The following ADCY2 variants were observed in gnomAD, a reference collection of about 807,000 sequenced individuals.
ADCY2 encodes adenylate cyclase type 2.
ADCY2 carries 31 observed loss-of-function variants against 125.2 expected under a neutral mutation model. The ratio of observed to expected loss-of-function variants is 0.25; its 90% CI spans 0.19 to 0.33. ADCY2 has a LOEUF of 0.33. ADCY2 is among the 10% of genes least tolerant of loss of function. The pLI is 1.00. For missense variants in ADCY2, 904 were observed against 1,418.2 expected, an observed-to-expected ratio of 0.64 and a Z score of 5.82; for synonymous variants, 512 against 548.4, an observed-to-expected ratio of 0.93 and a Z score of 0.93.
At chr5:7,545,526 G>A (rs531227935) in intron 3 of ADCY2, among the ~76,000 whole-genome samples, 37 of 152,106 alleles carry the variant, frequency 2.4e-4, no homozygotes, top group Non-Finnish European at 4.6e-4. Flanking sequence ...TTCTGCTCTC[G>A]ACGTGTAGAA....
At chr5:7,431,114 G>A (rs1481781627) in intron 2 of ADCY2, among the ~76,000 whole-genome samples, 1 of 152,104 alleles carries the variant, frequency 6.6e-6, no homozygotes, top group Non-Finnish European at 1.5e-5. Context: ...AGCAGGACAT[G>A]GAGATCTTAC....
intron 20 of ADCY2, chr5:7,793,950 G>C (rs1191402506): frequency 6.6e-6 from 1 of 152,194 alleles, no homozygotes; most frequent in Non-Finnish European, 1.5e-5. Flanking sequence ...TGGTTTCAGA[G>C]CTCTTCAGAC....
At chr5:7,649,480 T>A (rs1006831966) in intron 4 of ADCY2, among the ~76,000 whole-genome samples, 24 of 152,214 alleles carry the variant, frequency 1.6e-4, no homozygotes, top group Non-Finnish European at 2.8e-4. Flanking sequence ...AAAGTACATA[T>A]TTTTTCTTCT....
chr5:7,642,692 A>C (rs2126675115), intron 4 of ADCY2, among the ~76,000 whole-genome samples: 1 of 152,286 alleles, frequency 6.6e-6, no homozygotes, highest in Admixed American at 6.6e-5. Context: ...ACATTAAATA[A>C]AAAATTTTAA....
At chr5:7,713,686 T>C (rs532001592) in intron 11 of ADCY2, among the ~76,000 whole-genome samples, 51 of 152,226 alleles carry the variant, frequency 3.4e-4, no homozygotes, top group African/African-American at 1.2e-3. Context: ...CCAACTCCTT[T>C]TTTCCCCTGT....
chr5:7,710,358 C>G (rs1363328869), intron 10 of ADCY2, among the ~76,000 whole-genome samples: 1 of 152,198 alleles, frequency 6.6e-6, no homozygotes, highest in Non-Finnish European at 1.5e-5. Context: ...CAAGTCCTAG[C>G]ACTTGCATTT....
chr5:7,785,770 TG>T (rs1423547017), intron 19 of ADCY2, among the ~76,000 whole-genome samples: 2 of 152,166 alleles, frequency 1.3e-5, no homozygotes, highest in Non-Finnish European at 2.9e-5. Flanking sequence ...CATTTCATAC[TG>T]GGGATGCTTT....
intron 2 of ADCY2, among the ~76,000 whole-genome samples, chr5:7,475,993 A>T (rs1742511486): frequency 6.6e-6 from 1 of 152,180 alleles, no homozygotes; most frequent in South Asian, 2.1e-4. Flanking sequence ...AGTTCACCAT[A>T]GTTTTTCAAC....
chr5:7,522,977 C>G (rs1744511376), intron 3 of ADCY2, among the ~76,000 whole-genome samples: 1 of 151,990 alleles, frequency 6.6e-6, no homozygotes, highest in Non-Finnish European at 1.5e-5. Context: ...TGCTCAGCCA[C>G]TGTGGGAAAT....
intron 3 of ADCY2, among the ~76,000 whole-genome samples, chr5:7,576,811 A>G (rs1736267843): frequency 6.6e-6 from 1 of 152,188 alleles, no homozygotes; most frequent in Non-Finnish European, 1.5e-5. Flanking sequence ...TTTCCTAACT[A>G]GAAATGTATT....
chr5:7,417,295 C>A (rs999325134), intron 2 of ADCY2, among the ~76,000 whole-genome samples: 1 of 151,924 alleles, frequency 6.6e-6, no homozygotes, highest in Admixed American at 6.6e-5. Context: ...GCTAATTGGT[C>A]GGTGTTTATA....
At chr5:7,556,528 T>C (rs1443419857) in intron 3 of ADCY2, among the ~76,000 whole-genome samples, 1 of 152,228 alleles carries the variant, frequency 6.6e-6, no homozygotes, top group Non-Finnish European at 1.5e-5. Flanking sequence ...ACTTTTTTCA[T>C]ACGGGAAGTT....
At chr5:7,730,987 C>T (rs1004966380) in intron 14 of ADCY2, among the ~76,000 whole-genome samples, 13 of 152,158 alleles carry the variant, frequency 8.5e-5, no homozygotes, top group East Asian at 1.9e-4. Context: ...TCGATTGTCT[C>T]GATTGTCTAT....
intron 3 of ADCY2, 75 bp downstream of exon 3, chr5:7,520,974 A>G (rs2126532918): frequency 2.6e-6 from 4 of 1,564,244 alleles, no homozygotes; most frequent in African/African-American, 1.3e-5. Flanking sequence ...CTGCTGGCCC[A>G]TTCAGGGTGT....
chr5:7,653,921 G>A (rs1335621392), intron 4 of ADCY2: 1 of 330,048 alleles, frequency 3.0e-6, no homozygotes, highest in Non-Finnish European at 6.1e-6. Context: ...TTTGGGGGCA[G>A]ATTAAGAGTT....
intron 2 of ADCY2, among the ~76,000 whole-genome samples, chr5:7,423,545 C>A (rs1263818122): frequency 6.6e-6 from 1 of 152,184 alleles, no homozygotes; most frequent in Non-Finnish European, 1.5e-5. Context: ...TTGCCTGCCA[C>A]CATGTAAGAC....
Position 7,802,099 on chromosome 5 carries a change from G to A in ADCY2, c.2629-119G>A. On this transcript the variant is annotated intron_variant, in intron 20 of 24. Coordinates refer to ENST00000338316, the MANE Select transcript of ADCY2 (RefSeq NM_020546.3). The surrounding 1 kb of genome is among the most constrained non-coding windows in gnomAD (Gnocchi z 4.6). ...GGCCGCGGCTGGGGTGGGGCAAGTG[G>A]AGTAGGCATTTGGGCGATGTCTGTG... 1 of 1,179,966 alleles carries A rather than the reference G, an allele frequency of 8.5e-7. No individual in the cohort carries two copies. Among genetic ancestry groups the A allele is most frequent in the Non-Finnish European group, 1.2e-6 (1 of 839,304 alleles). 73.1% of individuals were successfully genotyped at this position (1,179,966 alleles called of 1,614,324 possible). A position where few individuals can be genotyped will look rare whatever the true frequency, so the allele number is the denominator to read the frequency against.
intron 4 of ADCY2, among the ~76,000 whole-genome samples, chr5:7,646,319 A>G (rs1738895492): frequency 1.3e-5 from 2 of 150,322 alleles, no homozygotes; most frequent in African/African-American, 4.9e-5. Context: ...TATTATTTAT[A>G]TATATAAAGA....
chr5:7,516,415 G>A (rs1267311817), intron 2 of ADCY2, among the ~76,000 whole-genome samples: 2 of 152,144 alleles, frequency 1.3e-5, no homozygotes, highest in Non-Finnish European at 2.9e-5. Context: ...CTGTGCTTAG[G>A]AATTCCGGGC....
Sources: allele counts gnomAD v4.1 joint callset (sites outside exome capture counted in the v4.1 genomes callset), GRCh38; gene constraint gnomAD v4.1.1; non-coding constraint Gnocchi (gnomAD v3.1); transcripts MANE v1.5; gene names NCBI Gene and HGNC (gene_info 2026-07-23, HGNC 2026-07-21).